The following METTL6 variants were observed in gnomAD, a reference collection of about 807,000 sequenced individuals.
The protein encoded by METTL6 is methyltransferase 6, tRNA N3-cytidine.
METTL6 carries 22 observed loss-of-function variants against 26.4 expected under a neutral mutation model. That is an observed-to-expected ratio of 0.83 (90% CI 0.59 to 1.19). The LOEUF is 1.19. Among genes scored for constraint, METTL6 ranks in the 50% most tolerant of loss-of-function variants. The probability of loss-of-function intolerance (pLI) is 0.00; values close to 1 mark genes in which losing one functional copy is unlikely to be tolerated. For missense variants in METTL6, 304 were observed against 324.8 expected (o/e 0.94, Z 0.49); for synonymous variants, 109 against 116.2 (o/e 0.94, Z 0.40).
In METTL6 at chr3:15,415,959, T is replaced by C. The variant is rs368735587; in HGVS notation, c.361-17A>G. The C allele has an allele frequency of 1.9e-5, 30 of 1,591,238 alleles. No homozygotes were observed. The African/African-American group carries it at 3.5e-4, about 19-fold the overall frequency. The stretch of plus-strand genomic sequence containing the variant: ...AGGATTTTGCTACAGGGGGAAGAAA[T>C]ACAAATGAATTTTAATGCAACCACT... On this transcript the variant is annotated splice_polypyrimidine_tract_variant and intron_variant, in intron 3 of 5. Transcript: ENST00000383790.
At chr3:15,415,653 C>G in intron 4 of METTL6, 119 bp downstream of exon 4, 1 of 1,594,100 alleles carries the variant, frequency 6.3e-7, no homozygotes, top group Non-Finnish European at 8.6e-7. Context: ...CACTACACAG[C>G]CTACCTAGTG....
chr3:15,415,901 C>T lies in METTL6; in HGVS notation c.402G>A (p.Gln134=). ...LYDTERCKVF[Q]CDLTKDDLLD... is the part of the protein sequence containing the mutation. ...GAAGATCATCTTTAGTCAGATCACACTGGAATACCTTGCATCTTTCTGTAT... is the reference window on the plus strand; with the variant it reads ...GAAGATCATCTTTAGTCAGATCACATTGGAATACCTTGCATCTTTCTGTAT... Residue 134 remains glutamine (Q), a synonymous_variant, in exon 4 of 6, where the codon CAG becomes CAA. Transcript: ENST00000383790. 3 of 1,613,824 alleles carry T rather than the reference C, an allele frequency of 1.9e-6. No individual in the cohort carries two copies. Among genetic ancestry groups the T allele is most frequent in the Non-Finnish European group, 2.5e-6 (3 of 1,179,908 alleles).
chr3:15,426,602 G>A lies in METTL6; in HGVS notation c.-91C>T, dbSNP rs1333874060. The stretch of plus-strand genomic sequence containing the variant: ...CGCTAATGGATCAGATACATTTCCT[G>A]AGGTGAGTTTCACGCCTCAAACAGC... On this transcript the variant is annotated 5_prime_UTR_variant, in exon 2 of 6. Transcript: ENST00000383790. 8.0e-7 allele frequency: 1 copy of A among 1,251,574 alleles called. No homozygotes were observed. Among genetic ancestry groups the A allele is most frequent in the Non-Finnish European group, 1.1e-6 (1 of 886,186 alleles). 77.5% of individuals were successfully genotyped at this position (1,251,574 alleles called of 1,614,324 possible). A position where few individuals can be genotyped will look rare whatever the true frequency, so the allele number is the denominator to read the frequency against.
chr3:15,425,209 G>T, intron 2 of METTL6, 120 bp from the exon 3 acceptor site: 1 of 1,031,152 alleles, frequency 9.7e-7, no homozygotes, highest in Non-Finnish European at 1.4e-6. Flanking sequence ...ATCAACAAGA[G>T]AACTAATAAG....
At chr3:15,406,348 T>C (rs1250195701), downstream of METTL6, among the ~76,000 whole-genome samples, 3 of 151,372 alleles carry the variant, frequency 2.0e-5, no homozygotes, top group Non-Finnish European at 4.4e-5. Flanking sequence ...CTGATGGAAA[T>C]GTGTCCAGCG....
In METTL6 at chr3:15,411,320, C is replaced by T; in HGVS notation, c.791G>A (p.Ser264Asn). The T allele has an allele frequency of 1.9e-6, 3 of 1,614,236 alleles. No individual in the cohort carries two copies. The highest frequency in any genetic ancestry group is 1.3e-5 in the African/African-American group (1 of 75,070). Residue 264 changes from serine (S) to asparagine (N), a missense_variant, in exon 6 of 6, where the codon AGC becomes AAC. Physicochemically the swap from Ser to Asn is conservative, Grantham distance 46. Coordinates refer to ENST00000383790, the MANE Select transcript of METTL6 (RefSeq NM_152396.4). ...GLCVPRVFLQ[S>N]KFLKPPKNPS... ...GTTCTTAGGAGGCTTTAGAAATTTG[C>T]TCTGAAGGAAAACTCTTGGCACACA...
At chr3:15,400,583 G>A (rs186482328) in intron 6 of METTL6, among the ~76,000 whole-genome samples, 2 of 152,136 alleles carry the variant, frequency 1.3e-5, no homozygotes, top group African/African-American at 2.4e-5. Context: ...AATCTCACAG[G>A]TTGAAATAGC....
In METTL6 at chr3:15,415,043, AAAACAAAC is replaced by A. The variant is rs35827445; in HGVS notation, c.531+721_531+728del. On this transcript the variant is annotated intron_variant, in intron 4 of 5. Coordinates refer to ENST00000383790, the MANE Select transcript of METTL6 (RefSeq NM_152396.4). The stretch of plus-strand genomic sequence containing the variant: ...AAACTGTATTCAACTGTCTCTTAAA[AAAACAAAC>A]AAACAAACAAACAAAAAACCAGAAT... The A allele has an allele frequency of 7.9e-6, 6 of 759,120 alleles. No individual in the cohort carries two copies. The East Asian group carries it at 3.1e-4, about 40-fold the overall frequency. 47.0% of individuals were successfully genotyped at this position (759,120 alleles called of 1,614,324 possible).
downstream of METTL6, among the ~76,000 whole-genome samples, chr3:15,406,971 TC>T (rs941673998): frequency 9.2e-5 from 14 of 151,886 alleles, no homozygotes; most frequent in Non-Finnish European, 2.1e-4. Context: ...GGCCACTTGC[TC>T]AGTGTCAGAG....
intron 6 of METTL6, among the ~76,000 whole-genome samples, chr3:15,404,470 G>A (rs1699733308): frequency 6.6e-6 from 1 of 151,098 alleles, no homozygotes; most frequent in Non-Finnish European, 1.5e-5. Context: ...AGCCTCCCGA[G>A]TACCTGGGAT....
intron 6 of METTL6, among the ~76,000 whole-genome samples, chr3:15,394,507 CTCTGA>C (rs1225673747): frequency 1.3e-5 from 2 of 152,268 alleles, no homozygotes; most frequent in East Asian, 3.9e-4. Context: ...TTCAGTTCTG[CTCTGA>C]TCTTAGTTAT....
chr3:15,407,982 T>C (rs1366291079), downstream of METTL6, among the ~76,000 whole-genome samples: 3 of 152,186 alleles, frequency 2.0e-5, no homozygotes, highest in African/African-American at 7.2e-5. Context: ...CTGTTATTTA[T>C]CCTTAAGTGT....
chr3:15,389,902 C>T (rs989029352), intron 6 of METTL6, among the ~76,000 whole-genome samples: 4 of 146,818 alleles, frequency 2.7e-5, no homozygotes, highest in African/African-American at 1.0e-4. Context: ...GTCACCCAGG[C>T]TAGAGAGCAG....
At chr3:15,417,087 G>C (rs541608938) in intron 3 of METTL6, among the ~76,000 whole-genome samples, 1 of 152,088 alleles carries the variant, frequency 6.6e-6, no homozygotes, top group South Asian at 2.1e-4. Context: ...TGAAAGGATC[G>C]CTTGAGTTCA....
intron 3 of METTL6, among the ~76,000 whole-genome samples, 159 bp downstream of exon 3, chr3:15,424,796 G>A (rs1348350294): frequency 1.3e-5 from 2 of 152,156 alleles, no homozygotes; most frequent in Non-Finnish European, 2.9e-5. Context: ...GTTTCTACAT[G>A]CACTGTATAT....
chr3:15,413,502 G>A (rs1700058542), intron 5 of METTL6, among the ~76,000 whole-genome samples: 4 of 151,996 alleles, frequency 2.6e-5, no homozygotes, highest in Admixed American at 1.3e-4. Context: ...AGTCTGGAAG[G>A]TGGAGGCTGC....
At chr3:15,420,713 A>G (rs1268375595) in intron 3 of METTL6, among the ~76,000 whole-genome samples, 1 of 152,234 alleles carries the variant, frequency 6.6e-6, no homozygotes, top group Non-Finnish European at 1.5e-5. Context: ...AGAGGTTGAC[A>G]GCGTATGACC....
At chr3:15,412,284 C>T (rs1216918941) in intron 5 of METTL6, among the ~76,000 whole-genome samples, 1 of 152,134 alleles carries the variant, frequency 6.6e-6, no homozygotes, top group African/African-American at 2.4e-5. Flanking sequence ...TACATCACTA[C>T]ACATTAAATG....
chr3:15,427,608 C>A, upstream of METTL6: 1 of 631,386 alleles, frequency 1.6e-6, no homozygotes, highest in South Asian at 1.9e-5. Flanking sequence ...CTCTCTCACC[C>A]CCACGCAGAG....
Sources: allele counts gnomAD v4.1 joint callset (sites outside exome capture counted in the v4.1 genomes callset), GRCh38; gene constraint gnomAD v4.1.1; transcripts MANE v1.5; gene names NCBI Gene and HGNC (gene_info 2026-07-23, HGNC 2026-07-21).